POFUT3: variants seen among roughly 807,000 people sequenced by gnomAD.
POFUT3 encodes protein O-fucosyltransferase 3.
chr8:33,383,370 T>TA, the POFUT3 span, among the ~76,000 whole-genome samples: 2 of 152,108 alleles, frequency 1.3e-5, no homozygotes, highest in Non-Finnish European at 2.9e-5. Context: ...TTGCTGGTGG[T>TA]AAATCCCCAT....
At chr8:33,342,143 G>T in the POFUT3 span, among the ~76,000 whole-genome samples, 1 of 152,032 alleles carries the variant, frequency 6.6e-6, no homozygotes, top group Non-Finnish European at 1.5e-5. Flanking sequence ...TCACACCACT[G>T]CAACTCCAGC....
At chr8:33,366,746 C>T in the POFUT3 span, among the ~76,000 whole-genome samples, 1 of 152,186 alleles carries the variant, frequency 6.6e-6, no homozygotes, top group Non-Finnish European at 1.5e-5. Context: ...GACAGGCTCA[C>T]TTTGTTTTCA....
chr8:33,385,359 T>C, the POFUT3 span, among the ~76,000 whole-genome samples: 1 of 151,974 alleles, frequency 6.6e-6, no homozygotes, highest in Non-Finnish European at 1.5e-5. Flanking sequence ...AGCAGGAAAA[T>C]GAAGAAATTA....
At chr8:33,319,357 A>G in the POFUT3 span, among the ~76,000 whole-genome samples, 165 of 22,316 alleles carry the variant, frequency 7.4e-3, 19 homozygotes, top group Non-Finnish European at 0.01. Flanking sequence ...TTTTATATAT[A>G]TTTTATATAT....
At chr8:33,424,842 A>G in the POFUT3 span, among the ~76,000 whole-genome samples, 2 of 152,102 alleles carry the variant, frequency 1.3e-5, no homozygotes, top group African/African-American at 4.8e-5. Flanking sequence ...CTTGCCGCAA[A>G]AATCTCATTT....
the POFUT3 span, among the ~76,000 whole-genome samples, chr8:33,345,916 C>T: frequency 2.5e-3 from 377 of 150,870 alleles, 4 homozygotes; most frequent in African/African-American, 8.7e-3. Flanking sequence ...ACCTCTGCCT[C>T]CTGGGTTCAA....
At chr8:33,415,742 A>T in the POFUT3 span, among the ~76,000 whole-genome samples, 1 of 152,238 alleles carries the variant, frequency 6.6e-6, no homozygotes, top group Non-Finnish European at 1.5e-5. Flanking sequence ...CTCCCAGAGT[A>T]TTAACAGTCA....
chr8:33,465,100 G>C, the POFUT3 span, among the ~76,000 whole-genome samples: 1 of 152,054 alleles, frequency 6.6e-6, no homozygotes, highest in South Asian at 2.1e-4. Flanking sequence ...AATAATAAAT[G>C]TTAACTATCA....
At chr8:33,338,608 A>T in the POFUT3 span, among the ~76,000 whole-genome samples, 75 of 152,302 alleles carry the variant, frequency 4.9e-4, 1 homozygote, top group East Asian at 0.012. Context: ...AAGAGTCATG[A>T]TGTTCACCAT....
chr8:33,372,692 A>C, the POFUT3 span: 271 of 1,613,988 alleles, frequency 1.7e-4, 4 homozygotes, highest in South Asian at 2.8e-3. Context: ...GGAAATCCAC[A>C]TCTCTCGCAA....
chr8:33,386,188 CAAAAAAAAAAAAAAA>C, the POFUT3 span, among the ~76,000 whole-genome samples: 2 of 32,046 alleles, frequency 6.2e-5, no homozygotes, highest in East Asian at 2.5e-3. Flanking sequence ...GGCTCCATCT[CAAAAAAAAAAAAAAA>C]AAAAAAAAAA....
At chr8:33,327,997 G>A in the POFUT3 span, among the ~76,000 whole-genome samples, 3 of 152,238 alleles carry the variant, frequency 2.0e-5, no homozygotes, top group Admixed American at 6.5e-5. Flanking sequence ...CCACTCAATA[G>A]GGCATTCTTA....
chr8:33,406,039 T>A, the POFUT3 span, among the ~76,000 whole-genome samples: 10 of 152,236 alleles, frequency 6.6e-5, no homozygotes, highest in Admixed American at 1.3e-4. Context: ...CAACTCAAAT[T>A]TCTAGATATT....
chr8:33,336,964 T>C, the POFUT3 span, among the ~76,000 whole-genome samples: 3 of 152,184 alleles, frequency 2.0e-5, no homozygotes, highest in East Asian at 5.8e-4. Context: ...ACCAGAATAT[T>C]AGGGGAAAAC....
At chr8:33,424,047 G>C in the POFUT3 span, among the ~76,000 whole-genome samples, 1 of 151,788 alleles carries the variant, frequency 6.6e-6, no homozygotes, top group Non-Finnish European at 1.5e-5. Context: ...ACTGAGGCAG[G>C]AGACTTGCTT....
At chr8:33,390,205 T>TAC in the POFUT3 span, among the ~76,000 whole-genome samples, 9,549 of 145,706 alleles carry the variant, frequency 0.066, 549 homozygotes, top group African/African-American at 0.17. Context: ...GTGTGTGTCA[T>TAC]ACACACACAC....
At chr8:33,464,919 A>G in the POFUT3 span, among the ~76,000 whole-genome samples, 1 of 152,232 alleles carries the variant, frequency 6.6e-6, no homozygotes, top group East Asian at 1.9e-4. Context: ...AAAAAGGAAT[A>G]CAAATCTATA....
chr8:33,460,495 AT>A, the POFUT3 span, among the ~76,000 whole-genome samples: 1 of 152,196 alleles, frequency 6.6e-6, no homozygotes, highest in Non-Finnish European at 1.5e-5. Context: ...ACATGTCAAG[AT>A]TTACTTATAA....
the POFUT3 span, among the ~76,000 whole-genome samples, chr8:33,404,679 C>T: frequency 6.6e-6 from 1 of 151,698 alleles, no homozygotes; most frequent in African/African-American, 2.4e-5. Context: ...TGGCAGGTCT[C>T]ATCACATTTG....
Sources: gnomAD v4.1 joint callset for allele counts (sites outside exome capture counted in the v4.1 genomes callset) on GRCh38, gnomAD v4.1.1 for gene constraint, MANE v1.5 for transcripts, NCBI Gene and HGNC (gene_info 2026-07-23, HGNC 2026-07-21) for gene names.